The following COL16A1 variants were observed in gnomAD, a reference collection of about 807,000 sequenced individuals.
COL16A1 encodes the protein collagen alpha-1(XVI) chain.
A neutral mutation model predicts 266.3 loss-of-function variants in COL16A1; 189 were observed. The observed-to-expected ratio is 0.71, with a 90% CI of 0.63 to 0.80. COL16A1 has a LOEUF of 0.80. Ranked by LOEUF, COL16A1 falls within the 30% of genes least tolerant of loss-of-function variation. The pLI is 0.00. For synonymous variants in COL16A1, 740 were observed against 782.3 expected (o/e 0.95, Z 0.90); for missense variants, 1,928 against 2,122.4 (o/e 0.91, Z 1.80).
Position 31,692,006 on chromosome 1 carries a change from T to C in COL16A1, c.1256A>G (p.Asp419Gly). The change falls in exon 17 of 71, where the codon GAC becomes GGC. Residue 419 changes from aspartate to glycine, a missense_variant and splice_region_variant. By Grantham distance (94) the Asp-to-Gly change is moderately conservative. Around this residue, in one of 2 missense-constraint regions of COL16A1, gnomAD observed 1,552 missense variants for 1,637.2 expected, o/e 0.95. Transcript: ENST00000373672. ...TGGGGAAGGGTCCCAGGCACCTACG[T>C]CCCGGCCTGGCTTTCCCGGCACGCC... ...IKGVPGKPGRDGRPGEICVIG... is the reference protein window; with the variant it reads ...IKGVPGKPGRGGRPGEICVIG... 1 of 1,613,792 alleles carries C rather than the reference T, an allele frequency of 6.2e-7. No homozygotes were observed. Among genetic ancestry groups the C allele is most frequent in the East Asian group, 2.2e-5 (1 of 44,868 alleles).
Position 31,697,258 on chromosome 1 carries a change from C to T in COL16A1, c.700G>A (p.Val234Met), listed in dbSNP as rs375616337. ...ATCTCACAGCAGCCCTCCTCCAGCA[C>T]GAGCTCCGGGTCACAGTAGATGTGC... ...QVHIYCDPEL[V>M]LEEGCCEILP... The change falls in exon 7 of 71, where the codon GTG becomes ATG. Residue 234 changes from valine (V) to methionine (M), a missense_variant. This residue lies in a region of COL16A1 where 1,552 missense variants were observed against 1,637.2 expected (regional missense o/e 0.95). Coordinates refer to ENST00000373672, the MANE Select transcript of COL16A1 (RefSeq NM_001856.4). The surrounding 1 kb of genome is among the most constrained non-coding windows in gnomAD (Gnocchi z 4.2). The T allele has an allele frequency of 6.0e-5, 97 of 1,612,706 alleles. No individual in the cohort carries two copies. The highest frequency in any genetic ancestry group is 7.5e-5 in the Non-Finnish European group (88 of 1,179,462).
rs1402460114 is a variant in COL16A1, at chr1:31,697,521, G to T, written c.658-221C>A. 1.3e-5 allele frequency among the ~76,000 whole-genome samples: 2 copies of T among 152,140 alleles called. No individual in the cohort carries two copies. Among genetic ancestry groups the T allele is most frequent in the Non-Finnish European group, 2.9e-5 (2 of 68,020 alleles). ...GCCCAGAGGAACAAAAGAGGAGGAG[G>T]TTCCATTCATGCTGGGCTTTGAAGG... On this transcript the variant is annotated intron_variant, in intron 6 of 70. Transcript: ENST00000373672. This position sits in a 1 kb window ranked among gnomAD's most constrained non-coding sequence, Gnocchi z 4.2.
intron 37 of COL16A1, among the ~76,000 whole-genome samples, chr1:31,681,454 T>C (rs550343947): frequency 2.6e-5 from 4 of 152,314 alleles, no homozygotes; most frequent in Admixed American, 2.6e-4. Context: ...CTCTCTCCCT[T>C]TAGTGCTTGA....
rs965587015 is a variant in COL16A1 at position 31,668,374 on chromosome 1, AGGTCCCCTC to A, written c.3250-165_3250-157del. Reference sequence around the variant, plus strand: ...ACACTGGGCCATCTCCCCAAGCCCCAGGTCCCCTCGGTCGTGACCACCACCACAGACCTG... The same window carrying A: ...ACACTGGGCCATCTCCCCAAGCCCCAGGTCGTGACCACCACCACAGACCTG... On this transcript the variant is annotated intron_variant, in intron 50 of 70. Coordinates refer to ENST00000373672, the MANE Select transcript of COL16A1 (RefSeq NM_001856.4). The surrounding 1 kb of genome is among the most constrained non-coding windows in gnomAD (Gnocchi z 5.8). Among the ~76,000 whole-genome samples the A allele has an allele frequency of 1.2e-4, 18 of 152,120 alleles. No individual in the cohort carries two copies. Among genetic ancestry groups the A allele is most frequent in the Non-Finnish European group, 1.5e-5 (1 of 68,014 alleles).
Position 31,684,795 on chromosome 1 carries a change from C to T in COL16A1, c.2052+26G>A, listed in dbSNP as rs533970502. On this transcript the variant is annotated intron_variant, in intron 30 of 70. Transcript: ENST00000373672. Reference sequence around the variant, plus strand: ...GGATCTGAGATGATGCCATGCCCACCCCCGTGCCCACGGACGCCCTCTCAC... The same window carrying T: ...GGATCTGAGATGATGCCATGCCCACTCCCGTGCCCACGGACGCCCTCTCAC... 1.5e-5 allele frequency: 25 copies of T among 1,614,098 alleles called. No individual in the cohort carries two copies. In the South Asian group the frequency reaches 2.6e-4, roughly 17 times the overall value.
rs1644583708 is a variant in COL16A1 at position 31,698,244 on chromosome 1, AC to A, written c.391-73del. On this transcript the variant is annotated intron_variant, in intron 5 of 70. Coordinates refer to ENST00000373672, the MANE Select transcript of COL16A1 (RefSeq NM_001856.4). This position sits in a 1 kb window ranked among gnomAD's most constrained non-coding sequence, Gnocchi z 4.1. Reference sequence around the variant, plus strand: ...AGTCACACCATGGGCACGTTCAGGGACCTTGAACTCATTTCACAGGAGGGGA... The same window carrying A: ...AGTCACACCATGGGCACGTTCAGGGACTTGAACTCATTTCACAGGAGGGGA... The A allele has an allele frequency of 1.9e-6, 3 of 1,580,948 alleles. No homozygotes were observed. In the African/African-American group the frequency reaches 4.1e-5, roughly 21 times the overall value.
chr1:31,693,212 A>G, intron 12 of COL16A1, 58 bp from the exon 13 acceptor site: 1 of 1,145,244 alleles, frequency 8.7e-7, no homozygotes, highest in Non-Finnish European at 1.3e-6. Flanking sequence ...GAGCCTTGAG[A>G]AAGCTCTCCC....
Position 31,685,991 on chromosome 1 carries a change from C to T in COL16A1, c.1884+100G>A. On this transcript the variant is annotated intron_variant, in intron 28 of 70. Coordinates refer to ENST00000373672, the MANE Select transcript of COL16A1 (RefSeq NM_001856.4). This position sits in a 1 kb window ranked among gnomAD's most constrained non-coding sequence, Gnocchi z 4.0. ...TGCTAAGGAGTCAGACTCTGCCCGA[C>T]AGACAGCAAGGAGCCCCAGAGGGTT... The T allele has an allele frequency of 1.3e-6, 2 of 1,553,344 alleles. No homozygotes were observed. Among genetic ancestry groups the T allele is most frequent in the Non-Finnish European group, 1.7e-6 (2 of 1,145,180 alleles).
Position 31,688,139 on chromosome 1 carries a change from T to C in COL16A1, c.1803+328A>G, listed in dbSNP as rs1302632107. Among the ~76,000 whole-genome samples, 2 of 152,182 alleles carry C rather than the reference T, an allele frequency of 1.3e-5. No individual in the cohort carries two copies. Among genetic ancestry groups the C allele is most frequent in the African/African-American group, 4.8e-5 (2 of 41,438 alleles). ...ACTCTGGGAGGACAAAACAAGTGAA[T>C]ATACTTACAAGATTTGGAATAGTGC... On this transcript the variant is annotated intron_variant, in intron 26 of 70. Coordinates refer to ENST00000373672, the MANE Select transcript of COL16A1 (RefSeq NM_001856.4). This position sits in a 1 kb window ranked among gnomAD's most constrained non-coding sequence, Gnocchi z 4.9.
intron 33 of COL16A1, 79 bp downstream of exon 33, chr1:31,683,871 C>T: frequency 1.2e-6 from 2 of 1,607,940 alleles, no homozygotes; most frequent in Non-Finnish European, 1.7e-6. Context: ...CCACTCCAGG[C>T]CCACTGCCCC....
At chr1:31,691,300 T>C in intron 19 of COL16A1, 74 bp from the exon 20 acceptor site, 3 of 1,598,708 alleles carry the variant, frequency 1.9e-6, no homozygotes, top group Admixed American at 1.7e-5. Context: ...ACCCTCACCC[T>C]CTCCTCCAGC....
intron 42 of COL16A1, among the ~76,000 whole-genome samples, chr1:31,677,602 C>G (rs1301102845): frequency 6.6e-6 from 1 of 152,248 alleles, no homozygotes; most frequent in Non-Finnish European, 1.5e-5. Flanking sequence ...TCTTTCTTAA[C>G]CTCAGTGCCT....
chr1:31,667,510 T>A, intron 52 of COL16A1, 65 bp downstream of exon 52: 1 of 1,401,376 alleles, frequency 7.1e-7, no homozygotes, highest in Non-Finnish European at 9.8e-7. Context: ...CTGCCAAGTC[T>A]CCAGCCCGAG....
intron 53 of COL16A1, 48 bp downstream of exon 53, chr1:31,665,987 ACC>A: frequency 6.2e-7 from 1 of 1,612,434 alleles, no homozygotes; most frequent in African/African-American, 1.3e-5. Context: ...CTGCCCTCAG[ACC>A]CCAGGACAAG....
chr1:31,670,698 C>T lies in COL16A1; in HGVS notation c.3151-52G>A, dbSNP rs552152649. 2.2e-6 allele frequency: 3 copies of T among 1,393,232 alleles called. No homozygotes were observed. The highest frequency in any genetic ancestry group is 6.1e-5 in the East Asian group (2 of 32,574). 86.3% of individuals were successfully genotyped at this position (1,393,232 alleles called of 1,614,324 possible). The stretch of plus-strand genomic sequence containing the variant: ...TCTCACAGGCACAGTAACCCTGGGA[C>T]AGCCTGGAGGGCACAGTCTGGGGCT... On this transcript the variant is annotated intron_variant, in intron 48 of 70. Transcript: ENST00000373672. The surrounding 1 kb of genome is among the most constrained non-coding windows in gnomAD (Gnocchi z 4.5).
chr1:31,693,966 A>T (rs942696289), intron 12 of COL16A1, among the ~76,000 whole-genome samples, 178 bp downstream of exon 12: 2 of 152,246 alleles, frequency 1.3e-5, no homozygotes, highest in African/African-American at 4.8e-5. Flanking sequence ...GGCAGCTCTT[A>T]GCATCTTTGC....
intron 10 of COL16A1, 137 bp downstream of exon 10, chr1:31,695,624 C>A: frequency 1.2e-6 from 1 of 859,628 alleles, no homozygotes; most frequent in Non-Finnish European, 1.9e-6. Flanking sequence ...ACAGACAGGG[C>A]CCAGCATCAG....
chr1:31,652,567 AC>A lies in COL16A1; in HGVS notation c.*83del. On this transcript the variant is annotated 3_prime_UTR_variant, in exon 71 of 71. Coordinates refer to ENST00000373672, the MANE Select transcript of COL16A1 (RefSeq NM_001856.4). This position sits in a 1 kb window ranked among gnomAD's most constrained non-coding sequence, Gnocchi z 4.8. The stretch of plus-strand genomic sequence containing the variant: ...AAAAACAACAACAACAACAAAAAAA[AC>A]ATTCACAACCTGTCACAGAGTCCTA... The A allele has an allele frequency of 3.0e-6, 4 of 1,338,400 alleles. No homozygotes were observed. The highest frequency in any genetic ancestry group is 3.9e-6 in the Non-Finnish European group (4 of 1,026,102). 82.9% of individuals were successfully genotyped at this position (1,338,400 alleles called of 1,614,324 possible).
chr1:31,654,971 C>CTT lies in COL16A1; in HGVS notation c.4291-115_4291-114dup, dbSNP rs10586841. On this transcript the variant is annotated intron_variant, in intron 67 of 70. Transcript: ENST00000373672. ...AGGTCCCAGGAGCCTCCCACAGATT[C>CTT]TTTTTTTTTTTTTTTTTTTTTTTTT... is the stretch of plus-strand genomic sequence containing the variant. The CTT allele has an allele frequency of 6.9e-3, 2,859 of 413,186 alleles. 6 individuals carry two copies. The highest frequency in any genetic ancestry group is 0.014 in the South Asian group (496 of 34,780). 25.6% of individuals were successfully genotyped at this position (413,186 alleles called of 1,614,324 possible). A position where few individuals can be genotyped will look rare whatever the true frequency, so the allele number is the denominator to read the frequency against.
Sources: allele counts gnomAD v4.1 joint callset (sites outside exome capture counted in the v4.1 genomes callset), GRCh38; gene constraint gnomAD v4.1.1; regional missense constraint gnomAD v4.1.1; non-coding constraint Gnocchi (gnomAD v3.1); transcripts MANE v1.5; gene names NCBI Gene and HGNC (gene_info 2026-07-23, HGNC 2026-07-21).